ZFAT: variants seen among roughly 807,000 people sequenced by gnomAD.
ZFAT encodes the protein zinc finger and AT-hook domain containing.
In ZFAT, 64 loss-of-function variants were observed where a neutral mutation model predicts 117.7. That is an observed-to-expected ratio of 0.54 (90% CI 0.44 to 0.67). The LOEUF is 0.67. Among genes scored for constraint, ZFAT ranks in the 30% least tolerant of loss-of-function variants. The pLI, the probability that ZFAT is intolerant of heterozygous loss-of-function variation, is 0.00. For missense variants in ZFAT, 1,433 were observed against 1,584.5 expected, an observed-to-expected ratio of 0.90 and a Z score of 1.62; for synonymous variants, 679 against 615.0, an observed-to-expected ratio of 1.10 and a Z score of -1.54.
intron 11 of ZFAT, among the ~76,000 whole-genome samples, chr8:134,552,958 T>C (rs4909910): frequency 0.35 from 53,661 of 152,188 alleles, 9,778 homozygotes; most frequent in East Asian, 0.67. Context: ...CACAGAGGAA[T>C]GAGCCAAAGG....
intron 3 of ZFAT, among the ~76,000 whole-genome samples, chr8:134,621,847 T>C (rs551706587): frequency 1.3e-5 from 2 of 152,196 alleles, no homozygotes; most frequent in South Asian, 4.1e-4. Context: ...GTGTACTACG[T>C]GAAATACGGC....
chr8:134,659,389 T>C (rs1366369335), intron 1 of ZFAT, among the ~76,000 whole-genome samples: 1 of 152,312 alleles, frequency 6.6e-6, no homozygotes, highest in Non-Finnish European at 1.5e-5. Flanking sequence ...AGAGCAGGGC[T>C]ATCATATCTC....
chr8:134,483,164 G>A (rs890542468), intron 15 of ZFAT, among the ~76,000 whole-genome samples: 3 of 152,064 alleles, frequency 2.0e-5, no homozygotes, highest in South Asian at 2.1e-4. Context: ...TTGCTCCCAC[G>A]GCACCCAATA....
the ZFAT span, among the ~76,000 whole-genome samples, chr8:134,778,426 T>C: frequency 1.3e-5 from 2 of 152,344 alleles, no homozygotes; most frequent in East Asian, 1.9e-4. Context: ...TTCAGTTCCT[T>C]CTATTTCCTT....
chr8:134,563,133 A>T (rs1236324763), intron 11 of ZFAT, among the ~76,000 whole-genome samples: 2 of 152,212 alleles, frequency 1.3e-5, no homozygotes, highest in African/African-American at 4.8e-5. Flanking sequence ...CTTAATTTTA[A>T]ATACGTACAC....
At chr8:134,746,794 A>G in the ZFAT span, among the ~76,000 whole-genome samples, 11 of 152,226 alleles carry the variant, frequency 7.2e-5, no homozygotes, top group Non-Finnish European at 1.5e-4. Context: ...TAAGGTTGTT[A>G]TGACAAGTTA....
At chr8:134,813,409 T>C in the ZFAT span, among the ~76,000 whole-genome samples, 5 of 152,164 alleles carry the variant, frequency 3.3e-5, no homozygotes, top group South Asian at 6.2e-4. Flanking sequence ...GCTAAAGCTA[T>C]TGCCATCTAA....
the ZFAT span, among the ~76,000 whole-genome samples, chr8:134,725,247 A>C: frequency 6.6e-6 from 1 of 152,220 alleles, no homozygotes; most frequent in African/African-American, 2.4e-5. Flanking sequence ...GCACAAGTTC[A>C]AGCGCCTGGC....
intron 2 of ZFAT, chr8:134,639,834 G>A (rs571735776): frequency 2.9e-5 from 13 of 455,000 alleles, no homozygotes; most frequent in Non-Finnish European, 5.3e-5. Flanking sequence ...TGAAGCCTGC[G>A]GCCCAGGTCT....
intron 15 of ZFAT, among the ~76,000 whole-genome samples, chr8:134,498,272 C>T (rs1485456993): frequency 9.4e-5 from 12 of 127,074 alleles, no homozygotes; most frequent in African/African-American, 3.4e-4. Context: ...GGGGTGGAGC[C>T]GTGATGCCCC....
chr8:134,587,827 T>C (rs1826178934), intron 9 of ZFAT, among the ~76,000 whole-genome samples: 1 of 152,190 alleles, frequency 6.6e-6, no homozygotes, highest in Non-Finnish European at 1.5e-5. Context: ...CACTCCAAAC[T>C]GCTGGAATGG....
At chr8:134,492,937 T>C (rs1818157104) in intron 15 of ZFAT, among the ~76,000 whole-genome samples, 1 of 152,170 alleles carries the variant, frequency 6.6e-6, no homozygotes, top group Admixed American at 6.5e-5. Context: ...AACGGAGATT[T>C]AAAGCCTTTT....
At chr8:134,614,670 G>A (rs552025828) in intron 3 of ZFAT, among the ~76,000 whole-genome samples, 1 of 152,334 alleles carries the variant, frequency 6.6e-6, no homozygotes, top group Non-Finnish European at 1.5e-5. Context: ...GCTCTGTTGT[G>A]TTCAAAAAGA....
rs930896867 is a variant in ZFAT at position 134,478,327 on chromosome 8, C to G, written c.*155G>C. 9 of 1,170,112 alleles carry G rather than the reference C, an allele frequency of 7.7e-6. No homozygotes were observed. The South Asian group carries it at 1.1e-4, about 15-fold the overall frequency. 72.5% of individuals were successfully genotyped at this position (1,170,112 alleles called of 1,614,324 possible). ...GGTGATGCTGACTGCCTTGCCCACC[C>G]CAAGTTGGACTAGGAGAGTCCTATC... On this transcript the variant is annotated 3_prime_UTR_variant, in exon 16 of 16. Transcript: ENST00000377838. This position sits in a 1 kb window ranked among gnomAD's most constrained non-coding sequence, Gnocchi z 5.2.
chr8:134,537,473 C>T (rs1283361491), intron 11 of ZFAT, among the ~76,000 whole-genome samples: 3 of 152,106 alleles, frequency 2.0e-5, no homozygotes, highest in African/African-American at 7.2e-5. Context: ...CACAGTGGAC[C>T]GGGAGAGATG....
chr8:134,638,264 T>C (rs1830351102), intron 2 of ZFAT, among the ~76,000 whole-genome samples: 1 of 152,182 alleles, frequency 6.6e-6, no homozygotes, highest in Admixed American at 6.5e-5. Context: ...AACAATATTT[T>C]TCCAGTTTCC....
chr8:134,691,672 C>T (rs1299445060), intron 1 of ZFAT, among the ~76,000 whole-genome samples: 1 of 152,234 alleles, frequency 6.6e-6, no homozygotes, highest in Non-Finnish European at 1.5e-5. Flanking sequence ...AATGAGGTCT[C>T]TGGTACTCCC....
intron 1 of ZFAT, among the ~76,000 whole-genome samples, chr8:134,689,785 G>A (rs541926526): frequency 6.6e-5 from 10 of 152,316 alleles, no homozygotes; most frequent in East Asian, 3.9e-4. Flanking sequence ...GGACAGATGC[G>A]TGACTCTGCA....
At chr8:134,513,560 G>C (rs1820019761) in intron 13 of ZFAT, among the ~76,000 whole-genome samples, 1 of 152,194 alleles carries the variant, frequency 6.6e-6, no homozygotes, top group Non-Finnish European at 1.5e-5. Flanking sequence ...TGCGAGGGTA[G>C]GAGGAGTTAA....
Sources: gnomAD v4.1 joint callset for allele counts (sites outside exome capture counted in the v4.1 genomes callset) on GRCh38, gnomAD v4.1.1 for gene constraint, Gnocchi (gnomAD v3.1) non-coding constraint, MANE v1.5 for transcripts, NCBI Gene and HGNC (gene_info 2026-07-23, HGNC 2026-07-21) for gene names.